The following OR9Q1 variants were observed in gnomAD, a reference collection of about 807,000 sequenced individuals.
The protein encoded by OR9Q1 is olfactory receptor family 9 subfamily Q member 1.
For missense variants in OR9Q1, 374 were observed against 378.8 expected (o/e 0.99, Z 0.11); for synonymous variants, 153 against 148.6 (o/e 1.03, Z -0.22).
At chr11:58,053,632 A>ATATTATATATATATAAATTATATATATAT (rs1554965512) in intron 1 of OR9Q1, among the ~76,000 whole-genome samples, 1 of 118,684 alleles carries the variant, frequency 8.4e-6, no homozygotes. Flanking sequence ...TATATAAAAT[A>ATATTATATATATATAAATTATATATATAT]TATATATATA....
chr11:58,118,114 CAG>C (rs1853976741), intron 2 of OR9Q1: 1 of 161,068 alleles, frequency 6.2e-6, no homozygotes, highest in South Asian at 2.0e-4. Context: ...ATCTTTGACA[CAG>C]AGATAAAAGT....
intron 2 of OR9Q1, among the ~76,000 whole-genome samples, chr11:58,174,671 A>G (rs950720086): frequency 1.3e-5 from 2 of 149,848 alleles, no homozygotes; most frequent in African/African-American, 4.9e-5. Context: ...TTAAAAAAAA[A>G]TAAAGTTTAC....
intron 2 of OR9Q1, among the ~76,000 whole-genome samples, chr11:58,070,743 C>G (rs1853480063): frequency 1.3e-5 from 2 of 152,204 alleles, no homozygotes; most frequent in Non-Finnish European, 2.9e-5. Context: ...CTATCAAGCT[C>G]TAGCCATAGA....
intron 2 of OR9Q1, among the ~76,000 whole-genome samples, chr11:58,082,538 T>C (rs1206993278): frequency 6.2e-5 from 8 of 129,586 alleles, no homozygotes; most frequent in Non-Finnish European, 1.2e-4. Context: ...CAGATGGGAA[T>C]TGAACAATGA....
intron 2 of OR9Q1, among the ~76,000 whole-genome samples, chr11:58,091,128 T>A (rs1427723875): frequency 1.3e-5 from 2 of 152,184 alleles, no homozygotes; most frequent in African/African-American, 4.8e-5. Context: ...AAGGGTTTTT[T>A]GTTTCTCTGT....
At chr11:58,070,504 A>G (rs1853477384) in intron 2 of OR9Q1, among the ~76,000 whole-genome samples, 1 of 152,184 alleles carries the variant, frequency 6.6e-6, no homozygotes, top group South Asian at 2.1e-4. Context: ...ATGCACATCA[A>G]TTTATGCAAA....
chr11:58,102,253 A>AGT (rs1428389924), intron 2 of OR9Q1, among the ~76,000 whole-genome samples: 1 of 151,712 alleles, frequency 6.6e-6, no homozygotes, highest in African/African-American at 2.4e-5. Context: ...GTTGTTTTGT[A>AGT]TACCCTTTTT....
intron 2 of OR9Q1, among the ~76,000 whole-genome samples, chr11:58,093,287 A>G (rs1325157347): frequency 6.6e-6 from 1 of 152,216 alleles, no homozygotes; most frequent in Admixed American, 6.5e-5. Context: ...ACTAATATCC[A>G]GAATTTACAA....
intron 2 of OR9Q1, among the ~76,000 whole-genome samples, chr11:58,096,604 C>G (rs1471629910): frequency 1.3e-5 from 2 of 150,532 alleles, no homozygotes; most frequent in Non-Finnish European, 3.0e-5. Flanking sequence ...CCTCTACCTC[C>G]TGGGCTTAAG....
intron 2 of OR9Q1, among the ~76,000 whole-genome samples, chr11:58,130,056 G>T (rs1417227070): frequency 3.3e-5 from 5 of 152,090 alleles, no homozygotes; most frequent in African/African-American, 1.2e-4. Context: ...CATGCATTAG[G>T]TATTTGTCCT....
At chr11:58,028,407 T>G (rs921045937) in intron 1 of OR9Q1, among the ~76,000 whole-genome samples, 2 of 152,148 alleles carry the variant, frequency 1.3e-5, no homozygotes, top group African/African-American at 4.8e-5. Context: ...AGAAAAATAG[T>G]AAGAATTTAT....
rs1408759556 is a variant in OR9Q1 at position 58,025,236 on chromosome 11, C to T, written c.-93+1132C>T. On this transcript the variant is annotated intron_variant, in intron 1 of 2. Coordinates refer to ENST00000335397, the MANE Select transcript of OR9Q1 (RefSeq NM_001005212.4). ...GTCGCCAGGCTGGAGTGCAGTGGCG[C>T]GATCTCAGCTCACTGCAACCTCCGC... Among the ~76,000 whole-genome samples, 6 of 152,210 alleles carry T rather than the reference C, an allele frequency of 3.9e-5. No individual in the cohort carries two copies. The East Asian group carries it at 7.8e-4, about 20-fold the overall frequency.
rs775802007 is a variant in OR9Q1 at position 58,179,452 on chromosome 11, A to T, written c.8A>T (p.Glu3Val). ...TCAGGGACCACTGGTGTCATGGCAG[A>T]GATGAACCTCACCTTGGTGACCGAG... MA[E>V]MNLTLVTEFL... Residue 3 changes from glutamate (E) to valine (V), a missense_variant, in exon 3 of 3, where the codon GAG (glutamate) becomes GTG (valine). Physicochemically the swap from Glu to Val is moderately radical, Grantham distance 121. Transcript: ENST00000335397. 1.1e-5 allele frequency: 17 copies of T among 1,560,080 alleles called. No individual in the cohort carries two copies. The East Asian group carries it at 2.5e-4, about 23-fold the overall frequency.
At chr11:58,028,881 A>G (rs1853002022) in intron 1 of OR9Q1, among the ~76,000 whole-genome samples, 1 of 152,212 alleles carries the variant, frequency 6.6e-6, no homozygotes, top group Non-Finnish European at 1.5e-5. Flanking sequence ...TTCTGAAGCC[A>G]GAAGGAACTT....
chr11:58,059,139 C>T (rs1413007954), intron 2 of OR9Q1, among the ~76,000 whole-genome samples: 2 of 152,124 alleles, frequency 1.3e-5, no homozygotes, highest in African/African-American at 4.8e-5. Context: ...GGGCTCAGGC[C>T]TAAGAAACCA....
chr11:58,050,229 G>C (rs1390221754), intron 1 of OR9Q1, among the ~76,000 whole-genome samples: 1 of 138,664 alleles, frequency 7.2e-6, no homozygotes, highest in African/African-American at 2.7e-5. Context: ...AAAACAGCAT[G>C]GTGCTGGTAC....
chr11:58,173,065 T>G (rs1854570032), intron 2 of OR9Q1, among the ~76,000 whole-genome samples: 1 of 152,166 alleles, frequency 6.6e-6, no homozygotes, highest in Non-Finnish European at 1.5e-5. Context: ...TAAAAGCTGT[T>G]TACATTTAGG....
intron 2 of OR9Q1, among the ~76,000 whole-genome samples, chr11:58,174,943 T>A (rs1178036212): frequency 2.0e-5 from 3 of 150,790 alleles, no homozygotes; most frequent in African/African-American, 7.3e-5. Flanking sequence ...ACGACTCTAC[T>A]AGAAATAAAA....
chr11:58,141,964 T>A (rs1854254133), intron 2 of OR9Q1, among the ~76,000 whole-genome samples: 1 of 152,172 alleles, frequency 6.6e-6, no homozygotes, highest in African/African-American at 2.4e-5. Flanking sequence ...AACCTCCATA[T>A]GTTTTGTAAT....
Sources: allele counts gnomAD v4.1 joint callset (sites outside exome capture counted in the v4.1 genomes callset), GRCh38; gene constraint gnomAD v4.1.1; transcripts MANE v1.5; gene names NCBI Gene and HGNC (gene_info 2026-07-23, HGNC 2026-07-21).